Variants in DLG2 observed in about 807,000 individuals in gnomAD.
DLG2 encodes the protein disks large homolog 2.
A neutral mutation model predicts 132.5 loss-of-function variants in DLG2; 45 were observed. The ratio of observed to expected loss-of-function variants is 0.34; its 90% CI spans 0.27 to 0.44. The LOEUF is 0.44. Ranked by LOEUF, DLG2 falls within the 20% of genes least tolerant of loss-of-function variation. The pLI, the probability that DLG2 is intolerant of heterozygous loss-of-function variation, is 1.00. For synonymous variants in DLG2, 424 were observed against 419.6 expected, an observed-to-expected ratio of 1.01 and a Z score of -0.13; for missense variants, 1,045 against 1,196.9, an observed-to-expected ratio of 0.87 and a Z score of 1.87.
intron 11 of DLG2, among the ~76,000 whole-genome samples, chr11:84,015,216 A>G (rs1182526707): frequency 6.6e-6 from 1 of 152,180 alleles, no homozygotes; most frequent in African/African-American, 2.4e-5. Context: ...CATTCACATC[A>G]TAATTATTAG....
chr11:84,134,311 C>T (rs2094524569), intron 9 of DLG2, among the ~76,000 whole-genome samples: 1 of 152,060 alleles, frequency 6.6e-6, no homozygotes, highest in Admixed American at 6.6e-5. Context: ...TATCATGTCA[C>T]AGCAACAATA....
At chr11:85,070,438 C>T (rs1236205474) in intron 6 of DLG2, among the ~76,000 whole-genome samples, 6 of 151,430 alleles carry the variant, frequency 4.0e-5, no homozygotes, top group Non-Finnish European at 5.9e-5. Context: ...AGAAAGAAAC[C>T]GTGTGGAGAA....
chr11:84,864,023 G>C (rs4539346), intron 6 of DLG2, among the ~76,000 whole-genome samples: 1 of 152,138 alleles, frequency 6.6e-6, no homozygotes, highest in African/African-American at 2.4e-5. Context: ...TAATGAAATA[G>C]GCTACTACCT....
At chr11:85,560,562 T>C (rs2077182779) in intron 3 of DLG2, among the ~76,000 whole-genome samples, 1 of 151,758 alleles carries the variant, frequency 6.6e-6, no homozygotes, top group Non-Finnish European at 1.5e-5. Flanking sequence ...GTAAATCAGT[T>C]GTGGGCTGGG....
intron 3 of DLG2, among the ~76,000 whole-genome samples, chr11:85,410,540 A>C (rs1187886240): frequency 3.3e-5 from 5 of 151,822 alleles, no homozygotes; most frequent in African/African-American, 1.2e-4. Flanking sequence ...TGAATGTACA[A>C]ATTTAAGATG....
chr11:83,826,084 C>T (rs919588281), intron 17 of DLG2, among the ~76,000 whole-genome samples: 9 of 113,074 alleles, frequency 8.0e-5, no homozygotes, highest in Non-Finnish European at 9.3e-5. Flanking sequence ...AACAGCAGGA[C>T]ACCATTGAAA....
chr11:84,609,413 G>A (rs1307342868), intron 6 of DLG2, among the ~76,000 whole-genome samples: 2 of 152,092 alleles, frequency 1.3e-5, no homozygotes, highest in East Asian at 1.9e-4. Context: ...ATACTATCTT[G>A]TCTCAGAGTT....
chr11:85,484,860 C>A (rs2093391155), intron 3 of DLG2, among the ~76,000 whole-genome samples: 1 of 150,998 alleles, frequency 6.6e-6, no homozygotes, highest in African/African-American at 2.4e-5. Context: ...GGGTATATAC[C>A]CAAAGGATTA....
intron 4 of DLG2, among the ~76,000 whole-genome samples, chr11:85,190,673 G>A (rs1308386991): frequency 1.3e-5 from 2 of 152,042 alleles, no homozygotes; most frequent in Admixed American, 6.6e-5. Flanking sequence ...AACGACAAAG[G>A]TGATATTAAC....
intron 6 of DLG2, among the ~76,000 whole-genome samples, chr11:84,882,734 G>A (rs2087552669): frequency 6.6e-6 from 1 of 151,998 alleles, no homozygotes. Context: ...CTGTGTGCCT[G>A]GATTTGTCCT....
chr11:83,523,795 G>A (rs147904945), intron 21 of DLG2, among the ~76,000 whole-genome samples: 1 of 152,174 alleles, frequency 6.6e-6, no homozygotes, highest in South Asian at 2.1e-4. Context: ...AGATAGCAGA[G>A]AACTCAGAAA....
At chr11:84,595,297 G>A (rs1032579132) in intron 6 of DLG2, among the ~76,000 whole-genome samples, 1 of 151,968 alleles carries the variant, frequency 6.6e-6, no homozygotes, top group African/African-American at 2.4e-5. Flanking sequence ...GAGATTTGGA[G>A]AGATAGGGTT....
chr11:84,428,145 T>C (rs1463231405), intron 7 of DLG2, among the ~76,000 whole-genome samples: 1 of 152,242 alleles, frequency 6.6e-6, no homozygotes, highest in Non-Finnish European at 1.5e-5. Flanking sequence ...ATTTCATTCA[T>C]TCCCCTTACC....
intron 7 of DLG2, among the ~76,000 whole-genome samples, chr11:84,525,707 AC>A (rs1293604272): frequency 2.0e-5 from 3 of 152,178 alleles, no homozygotes; most frequent in African/African-American, 7.2e-5. Context: ...ACCCCTCATT[AC>A]CTACAAGGTG....
chr11:83,805,072 T>G (rs2045552729), intron 17 of DLG2, among the ~76,000 whole-genome samples: 1 of 152,192 alleles, frequency 6.6e-6, no homozygotes, highest in Non-Finnish European at 1.5e-5. Context: ...GCTGTGTATT[T>G]CTTACTGCGT....
chr11:84,120,577 A>G (rs2093862021), intron 9 of DLG2, among the ~76,000 whole-genome samples: 4 of 152,238 alleles, frequency 2.6e-5, no homozygotes, highest in Admixed American at 2.6e-4. Flanking sequence ...GTTCTGCCAC[A>G]GAGTGGGTAA....
chr11:83,955,581 C>G (rs1301799060), intron 14 of DLG2, among the ~76,000 whole-genome samples: 3 of 152,118 alleles, frequency 2.0e-5, no homozygotes, highest in Non-Finnish European at 2.9e-5. Context: ...GCCTTTTTAC[C>G]AATCAAATGT....
intron 7 of DLG2, among the ~76,000 whole-genome samples, chr11:84,270,276 G>A (rs2097702983): frequency 6.6e-6 from 1 of 152,166 alleles, no homozygotes. Flanking sequence ...AGACACTTAG[G>A]CTAAAAGATA....
chr11:83,469,413 T>C lies in DLG2; in HGVS notation c.2447-40A>G, dbSNP rs778065446. 2.3e-5 allele frequency: 35 copies of C among 1,546,634 alleles called. 1 individual carries two copies. In the South Asian group the frequency reaches 4.2e-4, roughly 19 times the overall value. ...AAATGATAAAATTAAGGTGCATTTA[T>C]ACCCATAAACTTGCTTTACACCTAT... is the stretch of plus-strand genomic sequence containing the variant. On this transcript the variant is annotated intron_variant, in intron 24 of 27. Coordinates refer to ENST00000376104, the MANE Select transcript of DLG2 (RefSeq NM_001142699.3).
Sources: gnomAD v4.1 joint callset for allele counts (sites outside exome capture counted in the v4.1 genomes callset) on GRCh38, gnomAD v4.1.1 for gene constraint, MANE v1.5 for transcripts, NCBI Gene and HGNC (gene_info 2026-07-23, HGNC 2026-07-21) for gene names.